Variants in NCOA3 observed in about 807,000 individuals in gnomAD.
NCOA3 encodes CBP-interacting protein.
Under a neutral mutation model 158.8 loss-of-function variants are expected in NCOA3, and 51 were observed. That is an observed-to-expected ratio of 0.32 (90% CI 0.26 to 0.41). The LOEUF (loss-of-function observed/expected upper bound fraction) is 0.41. NCOA3 is among the 10% of genes least tolerant of loss of function. NCOA3 has a pLI of 1.00. For missense variants in NCOA3, 1,510 were observed against 1,746.6 expected (o/e 0.86, Z 2.41); for synonymous variants, 537 against 592.4 (o/e 0.91, Z 1.36).
intron 7 of NCOA3, 23 bp from the exon 8 acceptor site, chr20:47,627,899 C>T (rs2086348496): frequency 6.2e-6 from 10 of 1,603,578 alleles, no homozygotes; most frequent in Non-Finnish European, 7.7e-6. Context: ...ATAATCCTTA[C>T]CAGGGTGAAT....
intron 1 of NCOA3, among the ~76,000 whole-genome samples, chr20:47,525,109 C>T (rs2084406468): frequency 6.8e-6 from 1 of 146,346 alleles, no homozygotes; most frequent in African/African-American, 2.5e-5. Flanking sequence ...TCCCTGGGTA[C>T]TTGAGATTAG....
Position 47,627,987 on chromosome 20 carries a change from A to G in NCOA3, c.787A>G (p.Asn263Asp), listed in dbSNP as rs1376665537. Reference sequence around the variant, plus strand: ...TACAGGAGAAAGAACATTTCCATCAAACCCTGAGAGCTTTATTACCAGACA... The same window carrying G: ...TACAGGAGAAAGAACATTTCCATCAGACCCTGAGAGCTTTATTACCAGACA... ...ITTGERTFPSNPESFITRHDL... is the reference protein window; with the variant it reads ...ITTGERTFPSDPESFITRHDL... The change falls in exon 8 of 23, where the codon AAC becomes GAC. Residue 263 changes from asparagine to aspartate, a missense_variant. By Grantham distance (23) the Asn-to-Asp change is conservative (BLOSUM62 1). Around this residue, in one of 4 missense-constraint regions of NCOA3, gnomAD observed 309 missense variants for 427.1 expected, o/e 0.72. Coordinates refer to ENST00000371998, the MANE Select transcript of NCOA3 (RefSeq NM_181659.3). 2 of 1,614,004 alleles carry G rather than the reference A, an allele frequency of 1.2e-6. No homozygotes were observed. Among genetic ancestry groups the G allele is most frequent in the Non-Finnish European group, 1.7e-6 (2 of 1,179,932 alleles).
At chr20:47,628,654 C>T (rs1247303907) in intron 8 of NCOA3, 1 of 152,072 alleles carries the variant, frequency 6.6e-6, no homozygotes, top group Admixed American at 6.6e-5. Context: ...TCAAGTGAGT[C>T]GCCTGCCTCA....
intron 19 of NCOA3, among the ~76,000 whole-genome samples, chr20:47,650,744 TC>T (rs2086769346): frequency 1.3e-5 from 2 of 151,744 alleles, no homozygotes; most frequent in Admixed American, 6.6e-5. Flanking sequence ...ACGCCTGTAA[TC>T]CCAGCTACTT....
intron 1 of NCOA3, among the ~76,000 whole-genome samples, chr20:47,571,550 T>TG (rs1447449878): frequency 6.6e-6 from 1 of 151,940 alleles, no homozygotes; most frequent in Non-Finnish European, 1.5e-5. Flanking sequence ...ACTCCTGGCC[T>TG]CAAGCAATCC....
chr20:47,540,200 C>A (rs749065155), intron 1 of NCOA3, among the ~76,000 whole-genome samples: 9 of 152,236 alleles, frequency 5.9e-5, no homozygotes, highest in Non-Finnish European at 1.2e-4. Context: ...TGAAGATAGT[C>A]AACTTTGGCT....
At chr20:47,608,155 A>G (rs11086216) in intron 2 of NCOA3, among the ~76,000 whole-genome samples, 5,376 of 152,146 alleles carry the variant, frequency 0.035, 285 homozygotes, top group African/African-American at 0.12. Flanking sequence ...TACTAAAAAT[A>G]CAAAAATTAG....
intron 5 of NCOA3, among the ~76,000 whole-genome samples, chr20:47,626,574 T>C (rs1447851319): frequency 1.3e-5 from 2 of 151,718 alleles, no homozygotes; most frequent in Non-Finnish European, 2.9e-5. Flanking sequence ...TTGTTTGCAG[T>C]AATTAAGTCA....
chr20:47,600,814 CAA>C (rs376125255), intron 2 of NCOA3, among the ~76,000 whole-genome samples: 926 of 73,006 alleles, frequency 0.013, 10 homozygotes, highest in African/African-American at 0.047. Context: ...CTGTCCCTGG[CAA>C]AAAAAAAAAA....
At chr20:47,573,311 T>A (rs1255222071) in intron 1 of NCOA3, among the ~76,000 whole-genome samples, 2 of 152,122 alleles carry the variant, frequency 1.3e-5, no homozygotes, top group Non-Finnish European at 2.9e-5. Context: ...GAGAATTGCT[T>A]GAACCCGGGA....
rs532403247 is a variant in NCOA3 at position 47,523,736 on chromosome 20, T to C, written c.-99+21717T>C. Among the ~76,000 whole-genome samples, 7 of 152,370 alleles carry C rather than the reference T, an allele frequency of 4.6e-5. No individual in the cohort carries two copies. The South Asian group carries it at 8.3e-4, about 18-fold the overall frequency. ...CTTTACTAAACCCAATAAAAAGTCC[T>C]AGCGGACTCAGCGATAGTGAAACTT... On this transcript the variant is annotated intron_variant, in intron 1 of 22. Coordinates refer to ENST00000371998, the MANE Select transcript of NCOA3 (RefSeq NM_181659.3).
At chr20:47,602,768 G>GT (rs1237511415) in intron 2 of NCOA3, among the ~76,000 whole-genome samples, 5 of 152,192 alleles carry the variant, frequency 3.3e-5, no homozygotes, top group African/African-American at 1.2e-4. Flanking sequence ...AGTTTGTGGT[G>GT]TGAAGGTACC....
chr20:47,580,235 C>T (rs1422530893), intron 1 of NCOA3, among the ~76,000 whole-genome samples: 1 of 152,054 alleles, frequency 6.6e-6, no homozygotes, highest in Admixed American at 6.6e-5. Flanking sequence ...TAATTGTTTC[C>T]TAGGTCCATT....
At chr20:47,584,499 A>C (rs1207673120) in intron 2 of NCOA3, among the ~76,000 whole-genome samples, 3 of 152,010 alleles carry the variant, frequency 2.0e-5, no homozygotes, top group Non-Finnish European at 4.4e-5. Flanking sequence ...GTGTGCCTGT[A>C]ATCCCAGCTA....
intron 1 of NCOA3, among the ~76,000 whole-genome samples, chr20:47,564,403 CA>C (rs2085158928): frequency 1.3e-5 from 2 of 152,014 alleles, no homozygotes; most frequent in Admixed American, 1.3e-4. Flanking sequence ...GTTAATTCAG[CA>C]AAGAACTATT....
In NCOA3 at chr20:47,652,570, G is replaced by A. The variant is rs370202977; in HGVS notation, c.4111G>A (p.Ala1371Thr). ...GAAGGGCTGGCCATCAGGAAATTTG[G>A]CCAGGAACAGGTAAAGAACAGTGAC... ...EMKGWPSGNL[A>T]RNSSFSQQQF... Residue 1371 changes from alanine to threonine, a missense_variant, in exon 21 of 23, where the codon GCC becomes ACC. Coordinates refer to ENST00000371998, the MANE Select transcript of NCOA3 (RefSeq NM_181659.3). 2 of 1,607,882 alleles carry A rather than the reference G, an allele frequency of 1.2e-6. No individual in the cohort carries two copies. The highest frequency in any genetic ancestry group is 1.7e-6 in the Non-Finnish European group (2 of 1,174,820).
At position 47,510,437 on chromosome 20, in the gene NCOA3, A is replaced by AC. The variant is rs1277132531; in HGVS notation, c.-99+8418_-99+8419insC. 1.5e-4 allele frequency among the ~76,000 whole-genome samples: 22 copies of AC among 150,252 alleles called. 4 individuals are homozygous for AC. Among genetic ancestry groups the AC allele is most frequent in the African/African-American group, 5.1e-4 (21 of 41,034 alleles). On this transcript the variant is annotated intron_variant, in intron 1 of 22. Transcript: ENST00000371998. ...GACAGAGCAAGACTCCATCTCAAAA[A>AC]AAAAAAAAAAGTACACGATCATATC...
intron 2 of NCOA3, among the ~76,000 whole-genome samples, chr20:47,598,437 G>A (rs1056852321): frequency 3.3e-5 from 5 of 152,000 alleles, no homozygotes; most frequent in Middle Eastern, 3.4e-3. Flanking sequence ...CTGGGTTCAC[G>A]CGGTTCTCCT....
chr20:47,535,343 C>G (rs1045006820), intron 1 of NCOA3, among the ~76,000 whole-genome samples: 15 of 152,286 alleles, frequency 9.8e-5, no homozygotes, highest in African/African-American at 3.6e-4. Context: ...CCGTGTGTTA[C>G]AGTGTGCTCT....
Sources: gnomAD v4.1 joint callset for allele counts (sites outside exome capture counted in the v4.1 genomes callset) on GRCh38, gnomAD v4.1.1 for gene constraint, gnomAD v4.1.1 regional missense constraint, MANE v1.5 for transcripts, NCBI Gene and HGNC (gene_info 2026-07-23, HGNC 2026-07-21) for gene names.